The following SEPTIN7 variants were observed in gnomAD, a reference collection of about 807,000 sequenced individuals.
SEPTIN7 encodes septin-7.
A neutral mutation model predicts 63.3 loss-of-function variants in SEPTIN7; 10 were observed. The ratio of observed to expected loss-of-function variants is 0.16; its 90% CI spans 0.10 to 0.27. The LOEUF is 0.27. Ranked by LOEUF, SEPTIN7 falls within the 10% of genes least tolerant of loss-of-function variation. The pLI is 1.00. For missense variants in SEPTIN7, 310 were observed against 521.0 expected (o/e 0.59, Z 3.94); for synonymous variants, 131 against 165.3 (o/e 0.79, Z 1.59).
chr7:35,896,058 C>T (rs60224188), intron 11 of SEPTIN7, among the ~76,000 whole-genome samples: 4,374 of 152,298 alleles, frequency 0.029, 216 homozygotes, highest in African/African-American at 0.099. Context: ...ATCTGCCTGC[C>T]TTGGCCTCCC....
At chr7:35,831,208 G>A (rs1783818073) in intron 1 of SEPTIN7, 2 of 174,276 alleles carry the variant, frequency 1.1e-5, no homozygotes, top group South Asian at 1.2e-4. Flanking sequence ...CTGAAAATGG[G>A]TTTAAACTCA....
At chr7:35,861,399 C>T (rs1185176284) in intron 3 of SEPTIN7, among the ~76,000 whole-genome samples, 1 of 152,156 alleles carries the variant, frequency 6.6e-6, no homozygotes, top group African/African-American at 2.4e-5. Context: ...AAAGAGTCAC[C>T]TCTCTTCAGT....
chr7:35,909,925 G>GT (rs1226036090), downstream of SEPTIN7, among the ~76,000 whole-genome samples: 1 of 152,232 alleles, frequency 6.6e-6, no homozygotes, highest in African/African-American at 2.4e-5. Flanking sequence ...GTCTGGCAGG[G>GT]TGCCTTGCAG....
chr7:35,877,867 CAG>C (rs1786567666), intron 6 of SEPTIN7, among the ~76,000 whole-genome samples: 1 of 152,160 alleles, frequency 6.6e-6, no homozygotes, highest in African/African-American at 2.4e-5. Flanking sequence ...GAAACAAATA[CAG>C]ATGCTCCTCA....
In SEPTIN7 at chr7:35,855,003, A is replaced by G. The variant is rs559932198; in HGVS notation, c.170-8549A>G. On this transcript the variant is annotated intron_variant, in intron 3 of 13. Coordinates refer to ENST00000350320, the MANE Select transcript of SEPTIN7 (RefSeq NM_001788.6). ...TAAAAACTAAATTCTAAAGATATTTAGTAAAAAGCAAGTTTCCTTTTTTCT... is the reference window on the plus strand; with the variant it reads ...TAAAAACTAAATTCTAAAGATATTTGGTAAAAAGCAAGTTTCCTTTTTTCT... Among the ~76,000 whole-genome samples, 62 of 152,296 alleles carry G rather than the reference A, an allele frequency of 4.1e-4. No homozygotes were observed. In the South Asian group the frequency reaches 0.013, roughly 32 times the overall value.
At chr7:35,833,703 G>A (rs558057268) in intron 3 of SEPTIN7, among the ~76,000 whole-genome samples, 2 of 152,024 alleles carry the variant, frequency 1.3e-5, no homozygotes, top group South Asian at 2.1e-4. Context: ...GCAGGGTAGT[G>A]GATTAGCTAT....
chr7:35,877,377 T>A (rs1233938470), intron 6 of SEPTIN7, among the ~76,000 whole-genome samples: 1 of 152,180 alleles, frequency 6.6e-6, no homozygotes, highest in Non-Finnish European at 1.5e-5. Context: ...TACAGTAAAG[T>A]ATATACAGTA....
chr7:35,801,647 T>C (rs6967148), intron 1 of SEPTIN7, among the ~76,000 whole-genome samples: 2 of 152,026 alleles, frequency 1.3e-5, no homozygotes, highest in Non-Finnish European at 2.9e-5. Context: ...GCCCGCCGGC[T>C]TCCGCGGCCC....
chr7:35,871,279 T>C (rs761201288), intron 4 of SEPTIN7, among the ~76,000 whole-genome samples: 1 of 152,200 alleles, frequency 6.6e-6, no homozygotes, highest in Non-Finnish European at 1.5e-5. Flanking sequence ...TTTTTCAGTT[T>C]TAATAAGTTT....
chr7:35,810,464 C>T (rs1788620532), intron 1 of SEPTIN7, among the ~76,000 whole-genome samples: 1 of 151,924 alleles, frequency 6.6e-6, no homozygotes, highest in Non-Finnish European at 1.5e-5. Context: ...GCTGGGACTA[C>T]AGGCGCCCGC....
At chr7:35,908,894 C>G (rs149016997), downstream of SEPTIN7, among the ~76,000 whole-genome samples, 457 of 152,308 alleles carry the variant, frequency 3.0e-3, 2 homozygotes, top group African/African-American at 8.9e-3. Context: ...TCATTTAATT[C>G]TGTTGTCTTT....
At position 35,823,218 on chromosome 7, in the gene SEPTIN7, C is replaced by T. The variant is rs570563214; in HGVS notation, c.62-8274C>T. 8.7e-4 allele frequency among the ~76,000 whole-genome samples: 132 copies of T among 152,126 alleles called. 1 individual carries two copies. Among genetic ancestry groups the T allele is most frequent in the African/African-American group, 3.1e-3 (128 of 41,518 alleles). On this transcript the variant is annotated intron_variant, in intron 1 of 13. Coordinates refer to ENST00000350320, the MANE Select transcript of SEPTIN7 (RefSeq NM_001788.6). ...ACTTACATGTATTTATTTATTTTTTCGAGACAGAGTTTCGCTCTTGTTGCC... is the reference window on the plus strand; with the variant it reads ...ACTTACATGTATTTATTTATTTTTTTGAGACAGAGTTTCGCTCTTGTTGCC...
intron 4 of SEPTIN7, among the ~76,000 whole-genome samples, chr7:35,864,223 T>C (rs528127028): frequency 6.6e-6 from 1 of 152,234 alleles, no homozygotes; most frequent in Non-Finnish European, 1.5e-5. Flanking sequence ...TCTGTAAGAC[T>C]CCCAAGGTAT....
At chr7:35,814,511 GT>G (rs1215100869) in intron 1 of SEPTIN7, among the ~76,000 whole-genome samples, 1 of 151,962 alleles carries the variant, frequency 6.6e-6, no homozygotes, top group Non-Finnish European at 1.5e-5. Context: ...TTAGGTACTA[GT>G]TTTTTGTTGG....
chr7:35,838,930 G>A (rs1784268511), intron 3 of SEPTIN7, among the ~76,000 whole-genome samples: 1 of 152,056 alleles, frequency 6.6e-6, no homozygotes, highest in Non-Finnish European at 1.5e-5. Flanking sequence ...TATATGCTTG[G>A]TTTGTTTTCT....
At chr7:35,827,984 T>C (rs1478101066) in intron 1 of SEPTIN7, among the ~76,000 whole-genome samples, 4 of 152,230 alleles carry the variant, frequency 2.6e-5, no homozygotes, top group South Asian at 2.1e-4. Context: ...TTTTAAAATA[T>C]CTACTGTGTG....
rs915420486 is a variant in SEPTIN7, at chr7:35,905,243, T to C, written c.*950T>C. 8 of 152,648 alleles carry C rather than the reference T, an allele frequency of 5.2e-5. No homozygotes were observed. The highest frequency in any genetic ancestry group is 2.0e-4 in the Admixed American group (3 of 15,288). The allele number at this position is 152,648 out of a possible 1,614,324, so 9.5% of individuals were successfully genotyped here. A position where few individuals can be genotyped will look rare whatever the true frequency, so the allele number is the denominator to read the frequency against. On this transcript the variant is annotated 3_prime_UTR_variant, in exon 14 of 14. Coordinates refer to ENST00000350320, the MANE Select transcript of SEPTIN7 (RefSeq NM_001788.6). ...TTCTGCATTTAGCTGTATTCATATATTGCATTTCTGTATTTTTTGTTTGTA... is the reference window on the plus strand; with the variant it reads ...TTCTGCATTTAGCTGTATTCATATACTGCATTTCTGTATTTTTTGTTTGTA...
Position 35,903,191 on chromosome 7 carries a change from T to C in SEPTIN7, c.1250T>C (p.Ile417Thr), listed in dbSNP as rs1274355923. 8.8e-6 allele frequency: 14 copies of C among 1,598,344 alleles called. 1 individual carries two copies. Among genetic ancestry groups the C allele is most frequent in the South Asian group, 2.3e-5 (2 of 88,468 alleles). ...EKANWEAQQR[I>T]LEQQNSSRTL... ...GCAAACTGGGAAGCTCAACAACGTA[T>C]TTTAGAACAACAGAACTCTTCAAGG... Residue 417 changes from isoleucine (I) to threonine (T), a missense_variant, in exon 13 of 14, where the codon ATT becomes ACT. Around this residue, in one of 2 missense-constraint regions of SEPTIN7, gnomAD observed 255 missense variants for 490.5 expected, o/e 0.52. Coordinates refer to ENST00000350320, the MANE Select transcript of SEPTIN7 (RefSeq NM_001788.6).
chr7:35,829,380 A>G (rs192376556), intron 1 of SEPTIN7, among the ~76,000 whole-genome samples: 55 of 151,982 alleles, frequency 3.6e-4, no homozygotes, highest in Non-Finnish European at 6.3e-4. Context: ...GACCTCAGGC[A>G]ATCCACCTGT....
Sources: allele counts gnomAD v4.1 joint callset (sites outside exome capture counted in the v4.1 genomes callset), GRCh38; gene constraint gnomAD v4.1.1; regional missense constraint gnomAD v4.1.1; transcripts MANE v1.5; gene names NCBI Gene and HGNC (gene_info 2026-07-23, HGNC 2026-07-21).